SUGCT: variants seen among roughly 807,000 people sequenced by gnomAD.
The protein encoded by SUGCT is succinyl-CoA:glutarate CoA-transferase.
Under a neutral mutation model 55.0 loss-of-function variants are expected in SUGCT, and 41 were observed. The ratio of observed to expected loss-of-function variants is 0.74; its 90% CI spans 0.58 to 0.97. The LOEUF is 0.97. Among genes scored for constraint, SUGCT ranks in the 50% least tolerant of loss-of-function variants. The pLI, the probability that SUGCT is intolerant of heterozygous loss-of-function variation, is 0.00. For synonymous variants in SUGCT, 187 were observed against 200.4 expected (o/e 0.93, Z 0.56); for missense variants, 568 against 547.8 (o/e 1.04, Z -0.37).
intron 13 of SUGCT, among the ~76,000 whole-genome samples, chr7:40,826,469 C>A (rs1355887701): frequency 6.6e-6 from 1 of 152,142 alleles, no homozygotes; most frequent in Non-Finnish European, 1.5e-5. Flanking sequence ...CAGAGAACAG[C>A]TGGTGAAGAA....
chr7:40,607,081 A>G (rs954318620), intron 12 of SUGCT, among the ~76,000 whole-genome samples: 4 of 151,528 alleles, frequency 2.6e-5, no homozygotes, highest in African/African-American at 9.7e-5. Context: ...GAAACACTGA[A>G]GGCTTTATTG....
intron 7 of SUGCT, among the ~76,000 whole-genome samples, chr7:40,244,910 C>T (rs1398578948): frequency 3.3e-5 from 5 of 152,226 alleles, no homozygotes; most frequent in South Asian, 2.1e-4. Context: ...GAGTGTCTAA[C>T]GGTCCACAAT....
the SUGCT span, among the ~76,000 whole-genome samples, chr7:40,946,814 T>C: frequency 2.0e-5 from 3 of 152,332 alleles, no homozygotes; most frequent in East Asian, 5.8e-4. Flanking sequence ...AATCAGCAAT[T>C]AATACTATTG....
chr7:40,702,146 G>A (rs531504349), intron 12 of SUGCT, among the ~76,000 whole-genome samples: 3 of 152,288 alleles, frequency 2.0e-5, no homozygotes, highest in Admixed American at 2.0e-4. Flanking sequence ...CCTGAGGCAG[G>A]GTGTTTGAAG....
chr7:40,306,162 G>A (rs1297114017), intron 8 of SUGCT, among the ~76,000 whole-genome samples: 1 of 152,026 alleles, frequency 6.6e-6, no homozygotes, highest in Non-Finnish European at 1.5e-5. Context: ...TGTTGACACT[G>A]CATTTTAAGA....
At chr7:40,212,960 A>G (rs1454759721) in intron 6 of SUGCT, among the ~76,000 whole-genome samples, 1 of 152,240 alleles carries the variant, frequency 6.6e-6, no homozygotes, top group East Asian at 1.9e-4. Context: ...AGAACGTCGT[A>G]TCATATATCA....
At chr7:40,706,142 T>C (rs1223185079) in intron 12 of SUGCT, among the ~76,000 whole-genome samples, 1 of 152,198 alleles carries the variant, frequency 6.6e-6, no homozygotes. Flanking sequence ...TATATTTTAA[T>C]TTATATTTAA....
intron 12 of SUGCT, among the ~76,000 whole-genome samples, chr7:40,686,306 C>T (rs543936213): frequency 6.6e-6 from 1 of 152,210 alleles, no homozygotes; most frequent in East Asian, 1.9e-4. Flanking sequence ...GTTACTTGAC[C>T]TTTATGTACT....
intron 1 of SUGCT, among the ~76,000 whole-genome samples, chr7:40,159,518 G>A (rs746272987): frequency 5.5e-4 from 83 of 151,890 alleles, no homozygotes; most frequent in Non-Finnish European, 2.2e-4. Context: ...CTACAGGCAC[G>A]CACCACCACG....
chr7:40,923,112 C>T, the SUGCT span, among the ~76,000 whole-genome samples: 2 of 152,188 alleles, frequency 1.3e-5, no homozygotes, highest in Non-Finnish European at 2.9e-5. Flanking sequence ...AGGGAGACTC[C>T]TTAGCCTATA....
intron 7 of SUGCT, among the ~76,000 whole-genome samples, chr7:40,260,122 T>C (rs985743326): frequency 3.3e-5 from 5 of 152,222 alleles, no homozygotes; most frequent in African/African-American, 1.2e-4. Flanking sequence ...AGTGCTTCCA[T>C]TGAGAGCACT....
chr7:40,428,188 T>C (rs548213606), intron 9 of SUGCT, among the ~76,000 whole-genome samples: 1 of 152,344 alleles, frequency 6.6e-6, no homozygotes, highest in South Asian at 2.1e-4. Context: ...TAATTATGGC[T>C]ACCTCTGCCC....
At chr7:40,464,101 A>G (rs1402869784) in intron 11 of SUGCT, among the ~76,000 whole-genome samples, 2 of 152,206 alleles carry the variant, frequency 1.3e-5, no homozygotes, top group African/African-American at 4.8e-5. Context: ...GGGAGAAATA[A>G]TAGGAAAACA....
the SUGCT span, among the ~76,000 whole-genome samples, chr7:40,977,593 G>T: frequency 6.6e-6 from 1 of 152,112 alleles, no homozygotes; most frequent in Admixed American, 6.5e-5. Flanking sequence ...AGGGGAAGGG[G>T]TATGAACAAG....
chr7:40,315,441 C>A (rs1314145663), intron 8 of SUGCT, among the ~76,000 whole-genome samples: 7 of 152,368 alleles, frequency 4.6e-5, no homozygotes, highest in African/African-American at 1.7e-4. Flanking sequence ...AACTGGATGA[C>A]TCAAAGTTTA....
chr7:40,721,539 C>G (rs1168989330), intron 12 of SUGCT, among the ~76,000 whole-genome samples: 1 of 152,182 alleles, frequency 6.6e-6, no homozygotes, highest in African/African-American at 2.4e-5. Flanking sequence ...ATCTCTAGGT[C>G]AAATCTAGTC....
chr7:40,312,268 C>T (rs7798925), intron 8 of SUGCT, among the ~76,000 whole-genome samples: 95,486 of 151,864 alleles, frequency 0.63, 30,413 homozygotes, highest in Non-Finnish European at 0.7. Flanking sequence ...CTCGAACTCC[C>T]GACCTCAGGT....
intron 12 of SUGCT, among the ~76,000 whole-genome samples, chr7:40,604,403 T>C (rs960880345): frequency 1.3e-5 from 2 of 152,158 alleles, no homozygotes; most frequent in African/African-American, 4.8e-5. Context: ...TCCTCTTACA[T>C]AGATCAACAG....
intron 9 of SUGCT, among the ~76,000 whole-genome samples, chr7:40,434,886 T>C (rs1410157432): frequency 6.6e-6 from 1 of 152,142 alleles, no homozygotes; most frequent in East Asian, 1.9e-4. Context: ...ATGCTGGGGT[T>C]GACTTGTTTT....
Sources: gnomAD v4.1 joint callset for allele counts (sites outside exome capture counted in the v4.1 genomes callset) on GRCh38, gnomAD v4.1.1 for gene constraint, MANE v1.5 for transcripts, NCBI Gene and HGNC (gene_info 2026-07-23, HGNC 2026-07-21) for gene names.